Variants in ADAMTSL1 observed in about 807,000 individuals in gnomAD.
ADAMTSL1 encodes ADAMTS like 1.
Under a neutral mutation model 201.8 loss-of-function variants are expected in ADAMTSL1, and 126 were observed. The ratio of observed to expected loss-of-function variants is 0.62; its 90% CI spans 0.54 to 0.72. ADAMTSL1 has a LOEUF of 0.72. Among genes scored for constraint, ADAMTSL1 ranks in the 30% least tolerant of loss-of-function variants. The pLI is 0.00. For synonymous variants in ADAMTSL1, 1,121 were observed against 903.4 expected (o/e 1.24, Z -4.32); for missense variants, 2,679 against 2,277.8 (o/e 1.18, Z -3.59).
chr9:18,855,397 T>C (rs941783228), intron 23 of ADAMTSL1, among the ~76,000 whole-genome samples: 1 of 152,174 alleles, frequency 6.6e-6, no homozygotes, highest in African/African-American at 2.4e-5. Flanking sequence ...TGAAAAATTG[T>C]ATAGTTTAAA....
At chr9:18,710,122 C>T (rs1167079721) in intron 14 of ADAMTSL1, among the ~76,000 whole-genome samples, 1 of 152,154 alleles carries the variant, frequency 6.6e-6, no homozygotes, top group Non-Finnish European at 1.5e-5. Context: ...GTTTTTCCCT[C>T]CTCCAGCTTC....
chr9:18,212,927 T>G (rs1829930203), intron 2 of ADAMTSL1, among the ~76,000 whole-genome samples: 1 of 152,202 alleles, frequency 6.6e-6, no homozygotes, highest in Non-Finnish European at 1.5e-5. Context: ...TAATTTTACC[T>G]TTTGAATAGA....
chr9:18,372,452 A>G (rs1017528687), intron 2 of ADAMTSL1, among the ~76,000 whole-genome samples: 2 of 152,170 alleles, frequency 1.3e-5, no homozygotes, highest in African/African-American at 4.8e-5. Context: ...GAAGTACAGA[A>G]AGAATCATCT....
chr9:18,777,890 G>A lies in ADAMTSL1; in HGVS notation c.3661G>A (p.Val1221Ile). The A allele has an allele frequency of 1.3e-6, 2 of 1,549,948 alleles. No homozygotes were observed. Among genetic ancestry groups the A allele is most frequent in the Non-Finnish European group, 1.7e-6 (2 of 1,144,554 alleles). ...TISWARNGEE[V>I]QFSDRILLQP... The stretch of plus-strand genomic sequence containing the variant: ...CAGCTGGGCCAGGAATGGAGAAGAA[G>A]TTCAGTTCAGTGACAGGTGAGCCTT... The change falls in exon 19 of 29, where the codon GTT (valine) becomes ATT (isoleucine). Residue 1221 changes from valine to isoleucine, a missense_variant. Transcript: ENST00000380548.
intron 23 of ADAMTSL1, among the ~76,000 whole-genome samples, chr9:18,869,168 G>A (rs1328127069): frequency 1.3e-5 from 2 of 152,202 alleles, no homozygotes; most frequent in African/African-American, 4.8e-5. Flanking sequence ...CAGAAACTGG[G>A]AGAGAGGCAT....
At chr9:18,717,098 C>T (rs7874771) in intron 14 of ADAMTSL1, among the ~76,000 whole-genome samples, 33,468 of 122,632 alleles carry the variant, frequency 0.27, 4,598 homozygotes, top group Middle Eastern at 0.35. Flanking sequence ...GGTGGGGGGA[C>T]GGGGGAGGGA....
At chr9:18,680,226 G>C (rs1830379294) in intron 10 of ADAMTSL1, 86 bp from the exon 11 acceptor site, 3 of 1,353,778 alleles carry the variant, frequency 2.2e-6, no homozygotes, top group African/African-American at 1.4e-5. Flanking sequence ...TATACCAATA[G>C]ACATGGGGAG....
intron 2 of ADAMTSL1, among the ~76,000 whole-genome samples, chr9:18,441,802 C>A (rs993303672): frequency 2.0e-5 from 3 of 152,060 alleles, no homozygotes; most frequent in African/African-American, 7.2e-5. Flanking sequence ...TACAGTTTCT[C>A]CAAATGGTTG....
intron 4 of ADAMTSL1, among the ~76,000 whole-genome samples, chr9:18,599,888 C>G (rs2132529892): frequency 6.6e-6 from 1 of 150,596 alleles, no homozygotes; most frequent in African/African-American, 2.4e-5. Flanking sequence ...CGCGGTGGCT[C>G]ACGCCTGTAA....
intron 11 of ADAMTSL1, 119 bp from the exon 12 acceptor site, chr9:18,681,693 C>CTT: frequency 3.4e-6 from 1 of 293,592 alleles, no homozygotes; most frequent in Non-Finnish European, 5.2e-6. Flanking sequence ...CAGGAGTCCT[C>CTT]GTGTGGGGGG....
At chr9:18,697,172 G>A (rs12351354) in intron 13 of ADAMTSL1, among the ~76,000 whole-genome samples, 23,564 of 152,018 alleles carry the variant, frequency 0.16, 2,220 homozygotes, top group South Asian at 0.26. Flanking sequence ...GTGAGCCACC[G>A]TGCCTGGCCA....
chr9:17,980,230 G>C (rs562526956), intron 1 of ADAMTSL1, among the ~76,000 whole-genome samples: 5 of 152,104 alleles, frequency 3.3e-5, no homozygotes, highest in African/African-American at 1.2e-4. Context: ...TGTGAAGGTA[G>C]TTTTGCTTGC....
chr9:18,717,250 TAATAAATA>T (rs1163097418), intron 14 of ADAMTSL1, among the ~76,000 whole-genome samples: 4,637 of 137,476 alleles, frequency 0.034, 219 homozygotes, highest in African/African-American at 0.11. Context: ...ATAATAATAA[TAATAAATA>T]AAATAAAATA....
intron 4 of ADAMTSL1, among the ~76,000 whole-genome samples, chr9:18,588,424 C>G (rs1011913525): frequency 2.0e-5 from 3 of 151,474 alleles, no homozygotes; most frequent in Non-Finnish European, 3.0e-5. Context: ...TGGCTTTTCC[C>G]TTTTTGTTTT....
At chr9:18,808,858 C>T (rs1459086706) in intron 20 of ADAMTSL1, among the ~76,000 whole-genome samples, 1 of 152,180 alleles carries the variant, frequency 6.6e-6, no homozygotes, top group Non-Finnish European at 1.5e-5. Flanking sequence ...AGTTCTGTTG[C>T]CTTGGACAAA....
intron 3 of ADAMTSL1, among the ~76,000 whole-genome samples, chr9:18,573,634 G>C (rs992956831): frequency 6.6e-6 from 1 of 152,110 alleles, no homozygotes; most frequent in Non-Finnish European, 1.5e-5. Context: ...TATCAGAACT[G>C]AAAGAGACAA....
intron 26 of ADAMTSL1, among the ~76,000 whole-genome samples, chr9:18,900,012 A>G (rs1411013721): frequency 6.6e-6 from 1 of 152,228 alleles, no homozygotes; most frequent in Non-Finnish European, 1.5e-5. Context: ...CAACCTACAG[A>G]ATAGGAGAAA....
intron 23 of ADAMTSL1, among the ~76,000 whole-genome samples, chr9:18,838,199 C>A (rs189816996): frequency 5.3e-5 from 8 of 152,138 alleles, no homozygotes; most frequent in Admixed American, 4.6e-4. Flanking sequence ...ATTTTTAAAA[C>A]CATCAGATCT....
At chr9:18,750,581 T>C (rs537732997) in intron 15 of ADAMTSL1, among the ~76,000 whole-genome samples, 11 of 152,346 alleles carry the variant, frequency 7.2e-5, no homozygotes, top group Middle Eastern at 6.8e-3. Context: ...CCATGGATAT[T>C]CTTGCATATG....
Sources: allele counts gnomAD v4.1 joint callset (sites outside exome capture counted in the v4.1 genomes callset), GRCh38; gene constraint gnomAD v4.1.1; transcripts MANE v1.5; gene names NCBI Gene and HGNC (gene_info 2026-07-23, HGNC 2026-07-21).